Variants in MREG observed in about 807,000 individuals in gnomAD.
MREG encodes the protein melanoregulin.
In MREG, 31 loss-of-function variants were observed where a neutral mutation model predicts 28.5. That is an observed-to-expected ratio of 1.09 (90% CI 0.82 to 1.47). MREG has a LOEUF of 1.47. Ranked by LOEUF, MREG falls within the 40% of genes most tolerant of loss-of-function variation. The probability of loss-of-function intolerance (pLI) is 0.00; values close to 1 mark genes in which losing one functional copy is unlikely to be tolerated. For missense variants in MREG, 256 were observed against 257.4 expected (o/e 0.99, Z 0.04); for synonymous variants, 106 against 95.2 (o/e 1.11, Z -0.66).
At chr2:216,016,348 G>T (rs974591527), upstream of MREG, among the ~76,000 whole-genome samples, 14 of 152,182 alleles carry the variant, frequency 9.2e-5, no homozygotes, top group South Asian at 2.1e-4. Context: ...ATCCACCTAG[G>T]TTCAAATAGA....
intron 1 of MREG, among the ~76,000 whole-genome samples, chr2:216,011,113 AT>A (rs1694297342): frequency 1.3e-5 from 2 of 151,588 alleles, no homozygotes; most frequent in African/African-American, 4.8e-5. Flanking sequence ...AAAAAAAAAA[AT>A]AGTGGTGATT....
intron 3 of MREG, among the ~76,000 whole-genome samples, chr2:215,946,253 C>T (rs1264606818): frequency 6.6e-6 from 1 of 150,620 alleles, no homozygotes; most frequent in African/African-American, 2.4e-5. Context: ...AAAAAAAAGG[C>T]TATTAGCTCA....
chr2:216,013,242 G>T lies in MREG; in HGVS notation c.86C>A (p.Pro29His), dbSNP rs1422782581. 1 of 1,549,288 alleles carries T rather than the reference G, an allele frequency of 6.5e-7. No homozygotes were observed. ...CGGGCGGCGCACCCACCTGACGAGG[G>T]GCTCCTTCTCAGGCAGGGCGCGCTC... ...LEERALPEKE[P>H]LVSDNNPYSS... The change falls in exon 1 of 5, where the codon CCC becomes CAC. Residue 29 changes from proline (P) to histidine (H), a missense_variant. Transcript: ENST00000263268.
At chr2:216,020,984 C>A (rs7564348) in intron 1 of MREG, among the ~76,000 whole-genome samples, 1 of 151,962 alleles carries the variant, frequency 6.6e-6, no homozygotes, top group Non-Finnish European at 1.5e-5. Flanking sequence ...CATCTGAGAC[C>A]GTCGGCAGAA....
intron 2 of MREG, among the ~76,000 whole-genome samples, chr2:215,974,778 C>T (rs1693197245): frequency 1.3e-5 from 2 of 150,982 alleles, no homozygotes; most frequent in South Asian, 4.2e-4. Context: ...GGTGAAATTC[C>T]TCAAAGCCTG....
intron 2 of MREG, among the ~76,000 whole-genome samples, chr2:215,967,835 T>C (rs940277313): frequency 6.6e-6 from 1 of 152,148 alleles, no homozygotes; most frequent in Admixed American, 6.5e-5. Flanking sequence ...CCATGTGTCA[T>C]AGTGAGTCCT....
At chr2:215,982,405 A>G (rs1338229931) in intron 2 of MREG, among the ~76,000 whole-genome samples, 1 of 152,120 alleles carries the variant, frequency 6.6e-6, no homozygotes, top group Admixed American at 6.5e-5. Flanking sequence ...ATGCTTATAT[A>G]TTTTTTAAAA....
At chr2:216,012,208 T>C (rs775481864) in intron 1 of MREG, among the ~76,000 whole-genome samples, 6 of 152,084 alleles carry the variant, frequency 3.9e-5, no homozygotes, top group Non-Finnish European at 7.4e-5. Flanking sequence ...AGGTCACCAC[T>C]TGAGGGAGGG....
chr2:216,025,029 TG>T (rs918752024), intron 1 of MREG, among the ~76,000 whole-genome samples: 1 of 150,638 alleles, frequency 6.6e-6, no homozygotes, highest in African/African-American at 2.4e-5. Flanking sequence ...AGAAAGAAAA[TG>T]TATTATAAAG....
chr2:216,012,759 A>G (rs963950823), intron 1 of MREG, among the ~76,000 whole-genome samples: 1 of 152,210 alleles, frequency 6.6e-6, no homozygotes, highest in African/African-American at 2.4e-5. Context: ...TTCATGTGAA[A>G]AATATTTCCT....
chr2:216,000,829 A>G (rs1417353329), intron 1 of MREG, among the ~76,000 whole-genome samples: 4 of 152,244 alleles, frequency 2.6e-5, no homozygotes, highest in African/African-American at 9.6e-5. Context: ...AGCTTTAGAA[A>G]GGAGCCAGTA....
At chr2:215,945,079 C>A in intron 4 of MREG, 82 bp from the exon 5 acceptor site, 1 of 1,364,454 alleles carries the variant, frequency 7.3e-7, no homozygotes, top group South Asian at 1.7e-5. Context: ...AATCTAACAA[C>A]AACAAAACCC....
In MREG at chr2:215,947,801, C is replaced by T. The variant is rs1692360590; in HGVS notation, c.256-688G>A. Among the ~76,000 whole-genome samples the T allele has an allele frequency of 2.0e-5, 3 of 152,178 alleles. No homozygotes were observed. The South Asian group carries it at 6.2e-4, about 31-fold the overall frequency. ...TAGGATGAATCTGTCACAAATTCAA[C>T]TTTATCAACTGATTAAAGTTCTTTA... On this transcript the variant is annotated intron_variant, in intron 2 of 4. Transcript: ENST00000263268.
chr2:216,008,114 A>G (rs1694209707), intron 1 of MREG, among the ~76,000 whole-genome samples: 2 of 152,014 alleles, frequency 1.3e-5, no homozygotes, highest in Admixed American at 1.3e-4. Flanking sequence ...TCATAGGGCT[A>G]TGGTGGGGAT....
upstream of MREG, among the ~76,000 whole-genome samples, chr2:216,017,691 C>T (rs982408491): frequency 2.6e-5 from 4 of 152,266 alleles, no homozygotes; most frequent in Middle Eastern, 3.4e-3. Context: ...CCAAGGCAGA[C>T]CTGCTGGCTC....
chr2:215,998,307 C>CAAAAA (rs1222506866), intron 1 of MREG, among the ~76,000 whole-genome samples: 1,534 of 122,918 alleles, frequency 0.012, 8 homozygotes, highest in African/African-American at 0.027. Flanking sequence ...CTCCATCTCA[C>CAAAAA]AAAAAAAAAA....
chr2:215,959,928 AT>A (rs1156427841), intron 2 of MREG, among the ~76,000 whole-genome samples: 4 of 151,100 alleles, frequency 2.6e-5, no homozygotes, highest in Admixed American at 2.6e-4. Flanking sequence ...CTTTACGAAA[AT>A]TGTTGTAGAG....
chr2:215,975,278 A>G (rs559192543), intron 2 of MREG, among the ~76,000 whole-genome samples: 1 of 152,210 alleles, frequency 6.6e-6, no homozygotes, highest in East Asian at 1.9e-4. Context: ...GGTATATAGC[A>G]TTCATTAGTG....
At chr2:216,031,128 C>T (rs1475314835) in intron 1 of MREG, among the ~76,000 whole-genome samples, 1 of 151,950 alleles carries the variant, frequency 6.6e-6, no homozygotes, top group Non-Finnish European at 1.5e-5. Context: ...TTGCATAGGC[C>T]AGACATGGTG....
Sources: gnomAD v4.1 joint callset for allele counts (sites outside exome capture counted in the v4.1 genomes callset) on GRCh38, gnomAD v4.1.1 for gene constraint, MANE v1.5 for transcripts, NCBI Gene and HGNC (gene_info 2026-07-23, HGNC 2026-07-21) for gene names.